Variants in SLC22A8 observed in about 807,000 individuals in gnomAD.
SLC22A8 encodes organic anion transporter 3.
In SLC22A8, 40 loss-of-function variants were observed where a neutral mutation model predicts 48.4. The observed-to-expected ratio is 0.83, with a 90% CI of 0.64 to 1.08. The LOEUF (loss-of-function observed/expected upper bound fraction) is 1.08, where lower values mean the gene tolerates loss of function less well. Ranked by LOEUF, SLC22A8 falls within the 50% of genes least tolerant of loss-of-function variation. SLC22A8 has a pLI of 0.00. For missense variants in SLC22A8, 606 were observed against 699.0 expected, an observed-to-expected ratio of 0.87 and a Z score of 1.50; for synonymous variants, 268 against 286.3, an observed-to-expected ratio of 0.94 and a Z score of 0.65.
intron 4 of SLC22A8, 176 bp from the exon 5 acceptor site, chr11:62,999,265 C>T: frequency 3.4e-6 from 2 of 579,916 alleles, no homozygotes; most frequent in Admixed American, 3.0e-5. Flanking sequence ...AGTTCATCAT[C>T]CCCATTTTAC....
chr11:62,993,395 C>T (rs1337469371), intron 10 of SLC22A8, 29 bp downstream of exon 10: 5 of 1,613,608 alleles, frequency 3.1e-6, no homozygotes, highest in Admixed American at 1.7e-5. Flanking sequence ...CAGGGAGGAG[C>T]ACTGATGGGG....
chr11:63,013,027 T>C (rs2086636488), intron 2 of SLC22A8, among the ~76,000 whole-genome samples: 1 of 152,120 alleles, frequency 6.6e-6, no homozygotes. Flanking sequence ...ACTTATTAGC[T>C]GTGTGACCTC....
chr11:63,006,774 ATT>A (rs200742595), intron 2 of SLC22A8, among the ~76,000 whole-genome samples: 4 of 141,722 alleles, frequency 2.8e-5, no homozygotes, highest in Admixed American at 7.0e-5. Context: ...TGCCTGGCTA[ATT>A]TTTTTTTTTT....
intron 2 of SLC22A8, among the ~76,000 whole-genome samples, chr11:63,005,343 C>T (rs77140079): frequency 1.1e-3 from 165 of 152,268 alleles, no homozygotes; most frequent in East Asian, 0.011. Flanking sequence ...AGTAGGTACT[C>T]GTGTTATTTC....
chr11:63,014,619 G>A lies in SLC22A8; in HGVS notation c.333+7C>T, dbSNP rs2086653537. 6.3e-7 allele frequency: 1 copy of A among 1,577,406 alleles called. No homozygotes were observed. Among genetic ancestry groups the A allele is most frequent in the Non-Finnish European group, 8.7e-7 (1 of 1,155,124 alleles). On this transcript the variant is annotated splice_region_variant and intron_variant, in intron 2 of 10. Transcript: ENST00000336232. ...TAAGTGGAGGGAGAGGGTTTGCCCA[G>A]GCATACCTCTGTCACAATGGAGTCC...
In SLC22A8 at chr11:62,993,894, A is replaced by G. The variant is rs779317968; in HGVS notation, c.1217-16T>C. ...GTCTGCAAGTCTGCAGAGGGAAGAA[A>G]ATGTGGTGGGCCTTGGAGTTCAGGA... On this transcript the variant is annotated splice_polypyrimidine_tract_variant and intron_variant, in intron 8 of 10. Coordinates refer to ENST00000336232, the MANE Select transcript of SLC22A8 (RefSeq NM_004254.4). 7.2e-6 allele frequency: 11 copies of G among 1,523,978 alleles called. No homozygotes were observed. The East Asian group carries it at 2.5e-4, about 34-fold the overall frequency. 94.4% of individuals were successfully genotyped at this position (1,523,978 alleles called of 1,614,324 possible). A position where few individuals can be genotyped will look rare whatever the true frequency, so the allele number is the denominator to read the frequency against.
chr11:63,013,820 C>T (rs1011113072), intron 2 of SLC22A8, among the ~76,000 whole-genome samples: 7 of 152,152 alleles, frequency 4.6e-5, no homozygotes, highest in Non-Finnish European at 7.3e-5. Flanking sequence ...CAGTTAGTGA[C>T]GCCCAATACA....
chr11:62,994,984 T>C (rs1347991607), intron 7 of SLC22A8: 2 of 577,352 alleles, frequency 3.5e-6, no homozygotes, highest in Non-Finnish European at 6.2e-6. Flanking sequence ...GTCCAGGGTG[T>C]GGTGGCAAAG....
At chr11:63,007,826 A>G (rs890233238) in intron 2 of SLC22A8, among the ~76,000 whole-genome samples, 3 of 152,242 alleles carry the variant, frequency 2.0e-5, no homozygotes, top group Non-Finnish European at 4.4e-5. Flanking sequence ...TAATAACCTT[A>G]TAAAGTAGGT....
At position 62,993,854 on chromosome 11, in the gene SLC22A8, A is replaced by G; in HGVS notation, c.1241T>C (p.Leu414Ser). ...PLDLQTVRTV[L>S]AVFGKGCLSS... ...TAGGCATCCCTTCCCAAACACAGCCAATACTGTCCTCACGGTCTGCAAGTC... is the reference window on the plus strand; with the variant it reads ...TAGGCATCCCTTCCCAAACACAGCCGATACTGTCCTCACGGTCTGCAAGTC... The change falls in exon 9 of 11, where the codon TTG becomes TCG. Residue 414 changes from leucine to serine, a missense_variant. Leu to Ser is a moderately radical substitution (Grantham distance 145, BLOSUM62 -2). Coordinates refer to ENST00000336232, the MANE Select transcript of SLC22A8 (RefSeq NM_004254.4). The G allele has an allele frequency of 1.2e-6, 2 of 1,613,338 alleles. No individual in the cohort carries two copies. Among genetic ancestry groups the G allele is most frequent in the Non-Finnish European group, 1.7e-6 (2 of 1,179,244 alleles).
intron 3 of SLC22A8, 111 bp from the exon 4 acceptor site, chr11:62,999,953 G>C: frequency 1.1e-6 from 1 of 904,250 alleles, no homozygotes; most frequent in Admixed American, 4.0e-5. Context: ...ACCTTTCCCT[G>C]TTGGGCACAT....
chr11:63,014,999 A>C lies in SLC22A8; in HGVS notation c.-25-16T>G. 1 of 1,500,292 alleles carries C rather than the reference A, an allele frequency of 6.7e-7. No homozygotes were observed. The highest frequency in any genetic ancestry group is 9.0e-7 in the Non-Finnish European group (1 of 1,115,990). 92.9% of individuals were successfully genotyped at this position (1,500,292 alleles called of 1,614,324 possible). On this transcript the variant is annotated splice_polypyrimidine_tract_variant and intron_variant, in intron 1 of 10. Transcript: ENST00000336232. The stretch of plus-strand genomic sequence containing the variant: ...CGAGCCAGAGCTGTGGGCAGGGCAT[A>C]GGCCAGGGAGAGGTATATTTGTGCC...
intron 2 of SLC22A8, among the ~76,000 whole-genome samples, chr11:63,008,421 G>A (rs2086580528): frequency 6.6e-6 from 1 of 152,116 alleles, no homozygotes; most frequent in Non-Finnish European, 1.5e-5. Context: ...ACCTGTGCTG[G>A]GGCAAAAGGA....
chr11:63,007,228 G>C (rs2135138417), intron 2 of SLC22A8, among the ~76,000 whole-genome samples: 1 of 152,324 alleles, frequency 6.6e-6, no homozygotes, highest in African/African-American at 2.4e-5. Context: ...AACAGAGCCA[G>C]TTACTCAACC....
chr11:63,002,990 C>G (rs771105742), intron 2 of SLC22A8, among the ~76,000 whole-genome samples: 3 of 152,202 alleles, frequency 2.0e-5, no homozygotes, highest in Non-Finnish European at 4.4e-5. Flanking sequence ...CCTTCCTAGC[C>G]ATTCTTTCCC....
In SLC22A8 at chr11:62,994,001, G is replaced by T. The variant is rs1002212112; in HGVS notation, c.1217-123C>A. ...CAAGAAGCTCAGATCCAAACTTAAA[G>T]CTGAGTAATGCTTTGCATGCCTGTG... On this transcript the variant is annotated intron_variant, in intron 8 of 10. Transcript: ENST00000336232. The T allele has an allele frequency of 8.8e-6, 6 of 681,702 alleles. No homozygotes were observed. The African/African-American group carries it at 8.8e-5, about 10-fold the overall frequency. 42.2% of individuals were successfully genotyped at this position (681,702 alleles called of 1,614,324 possible).
rs1555034060 is a variant in SLC22A8, at chr11:62,993,248, C to T, written c.1618G>A (p.Gly540Ser). The change falls in exon 11 of 11, where the codon GGC (glycine) becomes AGC (serine). Residue 540 changes from glycine (G) to serine (S), a missense_variant. Physicochemically the swap from Gly to Ser is moderately conservative, Grantham distance 56. Transcript: ENST00000336232. ...IPLQPHGPGL[G>S]SS ...GGGTTCCGTTGTCCTCAGCTGGAGC[C>T]CAGGCCTGGTCCGTGAGGCTGTAGA... The T allele has an allele frequency of 1.2e-6, 2 of 1,612,024 alleles. No individual in the cohort carries two copies. The highest frequency in any genetic ancestry group is 1.7e-6 in the Non-Finnish European group (2 of 1,179,650).
chr11:63,014,672 AG>A lies in SLC22A8; in HGVS notation c.286del (p.Leu96TrpfsTer14). 6.2e-7 allele frequency: 1 copy of A among 1,611,584 alleles called. No individual in the cohort carries two copies. Among genetic ancestry groups the A allele is most frequent in the Admixed American group, 1.7e-5 (1 of 59,902 alleles). On this transcript the variant is annotated frameshift_variant, in exon 2 of 11. Transcript: ENST00000336232. LOFTEE classifies it high-confidence loss of function. ...GGTGCTGTTGTAGACCCAGCCATCC[AG>A]GCATGGCTCCATGGCCCTCTGGGTG... is the stretch of plus-strand genomic sequence containing the variant. ...NDTQRAMEPC[L>X]DGWVYNSTKD...
chr11:63,011,639 T>C (rs775667246), intron 2 of SLC22A8, among the ~76,000 whole-genome samples: 3 of 152,176 alleles, frequency 2.0e-5, no homozygotes, highest in African/African-American at 2.4e-5. Context: ...CTTCCTGGTA[T>C]CTATTCTGAC....
Sources: allele counts gnomAD v4.1 joint callset (sites outside exome capture counted in the v4.1 genomes callset), GRCh38; gene constraint gnomAD v4.1.1; transcripts MANE v1.5; gene names NCBI Gene and HGNC (gene_info 2026-07-23, HGNC 2026-07-21).